ATP10A: variants seen among roughly 807,000 people sequenced by gnomAD.
ATP10A encodes ATPase phospholipid transporting 10A (putative).
Under a neutral mutation model 147.8 loss-of-function variants are expected in ATP10A, and 111 were observed. The ratio of observed to expected loss-of-function variants is 0.75; its 90% confidence interval spans 0.64 to 0.88. The LOEUF (loss-of-function observed/expected upper bound fraction) is 0.88, where lower values mean the gene tolerates loss of function less well. Ranked by LOEUF, ATP10A falls within the 40% of genes least tolerant of loss-of-function variation. The pLI, the probability that ATP10A is intolerant of heterozygous loss-of-function variation, is 0.00. For missense variants in ATP10A, 1,927 were observed against 1,959.0 expected, an observed-to-expected ratio of 0.98 and a Z score of 0.31; for synonymous variants, 875 against 841.6, an observed-to-expected ratio of 1.04 and a Z score of -0.69.
At chr15:25,751,043 C>T (rs1359592176) in intron 2 of ATP10A, among the ~76,000 whole-genome samples, 1 of 151,984 alleles carries the variant, frequency 6.6e-6, no homozygotes, top group African/African-American at 2.4e-5. Context: ...AAAAGGCAGA[C>T]TCGTTTTTAA....
intron 17 of ATP10A, among the ~76,000 whole-genome samples, chr15:25,682,187 C>T (rs1187319694): frequency 6.6e-6 from 1 of 151,974 alleles, no homozygotes; most frequent in Non-Finnish European, 1.5e-5. Context: ...TCTATTCCTT[C>T]CACTTTGACC....
At chr15:25,676,756 G>A (rs1899144609), downstream of ATP10A, among the ~76,000 whole-genome samples, 1 of 151,870 alleles carries the variant, frequency 6.6e-6, no homozygotes, top group Non-Finnish European at 1.5e-5. Flanking sequence ...TTTACATATT[G>A]TTTATATATT....
rs568713904 is a variant in ATP10A at position 25,679,946 on chromosome 15, C to T, written c.3895G>A (p.Val1299Ile). ...GCCAGCTGAAGTTGTGTGGGGAAAA[C>T]CCTCCCCTGGAGGGATCTGAAAAAC... Reference protein sequence around the residue: ...RLFFRSLQGRVFPTQLQLARQ... With the variant: ...RLFFRSLQGRIFPTQLQLARQ... Residue 1299 changes from valine to isoleucine, a missense_variant, in exon 21 of 21, where the codon GTT becomes ATT. Transcript: ENST00000555815. 15 of 1,605,198 alleles carry T rather than the reference C, an allele frequency of 9.3e-6. No individual in the cohort carries two copies. Among genetic ancestry groups the T allele is most frequent in the East Asian group, 2.2e-5 (1 of 44,630 alleles).
intron 2 of ATP10A, among the ~76,000 whole-genome samples, chr15:25,748,623 T>C (rs1887972160): frequency 6.6e-6 from 1 of 152,002 alleles, no homozygotes; most frequent in Non-Finnish European, 1.5e-5. Context: ...TTTAGAACTG[T>C]ACTGGAGTCC....
chr15:25,801,907 C>T (rs1011188621), intron 1 of ATP10A, among the ~76,000 whole-genome samples: 2 of 152,160 alleles, frequency 1.3e-5, no homozygotes, highest in Non-Finnish European at 2.9e-5. Flanking sequence ...AACAGCTGGC[C>T]ACCTGCACCC....
intron 1 of ATP10A, among the ~76,000 whole-genome samples, chr15:25,813,448 A>G (rs1013412828): frequency 6.6e-5 from 10 of 152,336 alleles, no homozygotes; most frequent in African/African-American, 2.2e-4. Flanking sequence ...TGAACATAAA[A>G]ATGTCCAGCA....
At chr15:25,810,267 T>A (rs1891370304) in intron 1 of ATP10A, among the ~76,000 whole-genome samples, 2 of 152,106 alleles carry the variant, frequency 1.3e-5, no homozygotes, top group South Asian at 4.1e-4. Context: ...TGGCTTAAGA[T>A]CCCCTAACGT....
chr15:25,865,074 G>C (rs1893926970), upstream of ATP10A: 1 of 152,268 alleles, frequency 6.6e-6, no homozygotes, highest in African/African-American at 2.4e-5. Context: ...TCCTCAGGCA[G>C]AGGTCCCTTG....
chr15:25,818,720 G>A (rs1002522143), intron 1 of ATP10A, among the ~76,000 whole-genome samples: 5 of 152,126 alleles, frequency 3.3e-5, no homozygotes, highest in African/African-American at 4.8e-5. Context: ...GAAGCCTTTA[G>A]TAATCAAAAC....
At chr15:25,705,757 T>C (rs1040003619) in intron 12 of ATP10A, among the ~76,000 whole-genome samples, 1 of 152,254 alleles carries the variant, frequency 6.6e-6, no homozygotes, top group Non-Finnish European at 1.5e-5. Context: ...CCACCTTGGC[T>C]GACTTCAATC....
chr15:25,736,034 C>T, intron 3 of ATP10A, 22 bp downstream of exon 3: 1 of 1,590,446 alleles, frequency 6.3e-7, no homozygotes, highest in Non-Finnish European at 8.6e-7. Flanking sequence ...AGGATGCGCG[C>T]AGGCAGACAC....
chr15:25,750,412 A>C (rs970337940), intron 2 of ATP10A, among the ~76,000 whole-genome samples: 3 of 152,118 alleles, frequency 2.0e-5, no homozygotes, highest in Non-Finnish European at 4.4e-5. Context: ...GCTGAAAAAA[A>C]ATTCCTCACC....
intron 1 of ATP10A, among the ~76,000 whole-genome samples, chr15:25,798,991 A>G (rs1890813468): frequency 6.6e-6 from 1 of 152,266 alleles, no homozygotes; most frequent in South Asian, 2.1e-4. Context: ...GACTTTAAAA[A>G]ACAAACCATA....
At chr15:25,729,241 C>A (rs999720573) in intron 3 of ATP10A, among the ~76,000 whole-genome samples, 2 of 152,186 alleles carry the variant, frequency 1.3e-5, no homozygotes, top group Non-Finnish European at 2.9e-5. Flanking sequence ...AATCCCAGCA[C>A]TTTGGGAGGC....
At chr15:25,772,780 G>A (rs74732365) in intron 2 of ATP10A, among the ~76,000 whole-genome samples, 21,460 of 152,180 alleles carry the variant, frequency 0.14, 1,621 homozygotes, top group Non-Finnish European at 0.16. Flanking sequence ...CCCCAGGGAA[G>A]ACAGCGTGGC....
At chr15:25,801,526 C>T (rs925289007) in intron 1 of ATP10A, among the ~76,000 whole-genome samples, 5 of 152,292 alleles carry the variant, frequency 3.3e-5, no homozygotes, top group East Asian at 3.9e-4. Flanking sequence ...TGAGGGCGGA[C>T]GAGAGTCCTG....
intron 2 of ATP10A, 107 bp from the exon 3 acceptor site, chr15:25,736,248 G>T (rs1269457705): frequency 2.2e-5 from 18 of 816,398 alleles, no homozygotes; most frequent in Non-Finnish European, 3.3e-5. Context: ...ATTTCACGGG[G>T]GAAGAACTCT....
intron 2 of ATP10A, among the ~76,000 whole-genome samples, chr15:25,764,809 G>A (rs375196462): frequency 3.9e-5 from 6 of 152,164 alleles, no homozygotes; most frequent in East Asian, 3.9e-4. Context: ...GCTAGAAACC[G>A]CAGACGCTCT....
At chr15:25,680,100 C>G (rs764554660) in intron 20 of ATP10A, 21 bp downstream of exon 20, 13 of 1,610,338 alleles carry the variant, frequency 8.1e-6, no homozygotes, top group Non-Finnish European at 1.1e-5. Flanking sequence ...CTCAGAGGCA[C>G]TATCCCGCTC....
Sources: gnomAD v4.1 joint callset for allele counts (sites outside exome capture counted in the v4.1 genomes callset) on GRCh38, gnomAD v4.1.1 for gene constraint, MANE v1.5 for transcripts, NCBI Gene and HGNC (gene_info 2026-07-23, HGNC 2026-07-21) for gene names.